The following GFRA3 variants were observed in gnomAD, a reference collection of about 807,000 sequenced individuals.
GFRA3 encodes GDNF family receptor alpha 3.
A neutral mutation model predicts 40.0 loss-of-function variants in GFRA3; 24 were observed. That is an observed-to-expected ratio of 0.60 (90% CI 0.43 to 0.84). The LOEUF is 0.84. GFRA3 is among the 40% of genes least tolerant of loss of function. The probability of loss-of-function intolerance (pLI) is 0.00; values close to 1 mark genes in which losing one functional copy is unlikely to be tolerated. For synonymous variants in GFRA3, 203 were observed against 213.5 expected, an observed-to-expected ratio of 0.95 and a Z score of 0.43; for missense variants, 405 against 530.6, an observed-to-expected ratio of 0.76 and a Z score of 2.33.
chr5:138,257,580 G>T, intron 4 of GFRA3, 59 bp downstream of exon 4: 2 of 1,456,412 alleles, frequency 1.4e-6, no homozygotes, highest in Admixed American at 2.0e-5. Context: ...CAGGAACGTG[G>T]CCAGGAAGGA....
At chr5:138,260,700 C>T (rs561955820) in intron 2 of GFRA3, among the ~76,000 whole-genome samples, 2 of 151,548 alleles carry the variant, frequency 1.3e-5, no homozygotes, top group Non-Finnish European at 2.9e-5. Flanking sequence ...ACCCGGGAGG[C>T]GGAGGCTGCA....
chr5:138,253,122 T>C, intron 7 of GFRA3, 65 bp from the exon 8 acceptor site: 1 of 953,596 alleles, frequency 1.0e-6, no homozygotes, highest in Non-Finnish European at 1.7e-6. Flanking sequence ...TACCTCAGCC[T>C]CAGTCAAGAG....
intron 1 of GFRA3, 102 bp downstream of exon 1, chr5:138,274,232 G>A (rs1173265332): frequency 5.4e-6 from 7 of 1,287,738 alleles, no homozygotes; most frequent in Admixed American, 3.1e-5. Context: ...CGGATGCACC[G>A]GGAGGCTGCT....
intron 4 of GFRA3, among the ~76,000 whole-genome samples, 168 bp downstream of exon 4, chr5:138,257,471 C>T (rs923554124): frequency 1.3e-5 from 2 of 152,184 alleles, no homozygotes; most frequent in African/African-American, 4.8e-5. Flanking sequence ...GACATATATT[C>T]TTTTTGAGAA....
intron 1 of GFRA3, among the ~76,000 whole-genome samples, chr5:138,265,716 A>G (rs1015611869): frequency 8.0e-5 from 12 of 150,506 alleles, no homozygotes; most frequent in African/African-American, 2.7e-4. Context: ...TCTTTTTTAG[A>G]TAGGGTCTTG....
At chr5:138,263,755 G>A (rs964186443) in intron 2 of GFRA3, among the ~76,000 whole-genome samples, 8 of 152,172 alleles carry the variant, frequency 5.3e-5, no homozygotes, top group African/African-American at 1.2e-4. Flanking sequence ...AACATAGTCC[G>A]GTAAAAGCTG....
intron 4 of GFRA3, among the ~76,000 whole-genome samples, chr5:138,256,281 C>A (rs562339131): frequency 1.3e-5 from 2 of 150,558 alleles, no homozygotes; most frequent in Admixed American, 6.7e-5. Flanking sequence ...GTTATCCTAG[C>A]ACTTTGGGAG....
intron 2 of GFRA3, among the ~76,000 whole-genome samples, chr5:138,262,254 T>G (rs950845505): frequency 1.3e-5 from 2 of 152,028 alleles, no homozygotes; most frequent in African/African-American, 4.8e-5. Context: ...AAGAGAAAAC[T>G]GAAAGAGGAA....
intron 1 of GFRA3, among the ~76,000 whole-genome samples, chr5:138,271,905 TTTTTTTTTTG>T (rs1452981981): frequency 1.0e-5 from 1 of 96,910 alleles, no homozygotes; most frequent in African/African-American, 3.6e-5. Flanking sequence ...TTTTTTTTTT[TTTTTTTTTTG>T]TGTGTGTGTG....
intron 1 of GFRA3, among the ~76,000 whole-genome samples, chr5:138,271,903 T>TGTGTGTGTGTGTGTG: frequency 1.1e-5 from 1 of 95,004 alleles, no homozygotes; most frequent in East Asian, 3.3e-4. Flanking sequence ...TTTTTTTTTT[T>TGTGTGTGTGTGTGTG]TTTTTTTTTT....
chr5:138,259,937 C>CGTA (rs1333271992), intron 2 of GFRA3, among the ~76,000 whole-genome samples: 4 of 152,144 alleles, frequency 2.6e-5, no homozygotes, highest in African/African-American at 9.6e-5. Context: ...AGCACCATCG[C>CGTA]ACTTACGCGA....
intron 4 of GFRA3, 40 bp downstream of exon 4, chr5:138,257,599 T>A: frequency 6.5e-7 from 1 of 1,541,324 alleles, no homozygotes; most frequent in South Asian, 1.2e-5. Context: ...GAGTGGCGTG[T>A]GCCTCATCCC....
At chr5:138,265,365 C>T (rs1305784839) in intron 1 of GFRA3, among the ~76,000 whole-genome samples, 1 of 151,808 alleles carries the variant, frequency 6.6e-6, no homozygotes, top group Admixed American at 6.6e-5. Context: ...TACAGGCGTG[C>T]GCCATCACAC....
intron 1 of GFRA3, among the ~76,000 whole-genome samples, chr5:138,269,718 C>T (rs1755839322): frequency 6.6e-6 from 1 of 151,104 alleles, no homozygotes; most frequent in Non-Finnish European, 1.5e-5. Context: ...TGGCGTGTGC[C>T]TATAGTCCCA....
intron 3 of GFRA3, 51 bp from the exon 4 acceptor site, chr5:138,258,002 AC>A: frequency 6.7e-7 from 1 of 1,486,604 alleles, no homozygotes; most frequent in Non-Finnish European, 9.4e-7. Flanking sequence ...GCACGCCTGC[AC>A]CCCAGGTTCC....
chr5:138,269,527 A>G (rs1423329767), intron 1 of GFRA3, among the ~76,000 whole-genome samples: 2 of 139,642 alleles, frequency 1.4e-5, no homozygotes, highest in African/African-American at 5.4e-5. Flanking sequence ...CAAGAGCGAA[A>G]CTCTGTCTGA....
intron 5 of GFRA3, 73 bp from the exon 6 acceptor site, chr5:138,253,973 C>T: frequency 6.3e-7 from 1 of 1,579,480 alleles, no homozygotes; most frequent in African/African-American, 1.3e-5. Flanking sequence ...CCACCCATGT[C>T]AGGATCACAT....
At chr5:138,253,512 C>A in intron 6 of GFRA3, 137 bp from the exon 7 acceptor site, 1 of 701,460 alleles carries the variant, frequency 1.4e-6, no homozygotes. Context: ...GTGGGATACT[C>A]TCTCATTCTG....
chr5:138,257,113 G>C (rs1755642670), intron 4 of GFRA3, among the ~76,000 whole-genome samples: 1 of 152,032 alleles, frequency 6.6e-6, no homozygotes, highest in Non-Finnish European at 1.5e-5. Flanking sequence ...GTTTTTACAG[G>C]GGACTAAACG....
Sources: gnomAD v4.1 joint callset for allele counts (sites outside exome capture counted in the v4.1 genomes callset) on GRCh38, gnomAD v4.1.1 for gene constraint, MANE v1.5 for transcripts, NCBI Gene and HGNC (gene_info 2026-07-23, HGNC 2026-07-21) for gene names.